The following ATXN1 variants were observed in gnomAD, a reference collection of about 807,000 sequenced individuals.
The protein encoded by ATXN1 is ataxin-1.
Under a neutral mutation model 56.4 loss-of-function variants are expected in ATXN1, and 8 were observed. The ratio of observed to expected loss-of-function variants is 0.14; its 90% confidence interval spans 0.08 to 0.26. ATXN1 has a LOEUF of 0.26. Ranked by LOEUF, ATXN1 falls within the 10% of genes least tolerant of loss-of-function variation. ATXN1 has a pLI of 1.00. For synonymous variants in ATXN1, 514 were observed against 494.6 expected (o/e 1.04, Z -0.52); for missense variants, 987 against 1,106.5 (o/e 0.89, Z 1.53).
At chr6:16,361,455 T>C (rs748967305) in intron 6 of ATXN1, among the ~76,000 whole-genome samples, 9 of 152,196 alleles carry the variant, frequency 5.9e-5, no homozygotes, top group Non-Finnish European at 1.0e-4. Flanking sequence ...AAATATGCCT[T>C]TTATCCCCTT....
chr6:16,537,814 G>A (rs907088798), intron 4 of ATXN1, among the ~76,000 whole-genome samples: 1 of 151,542 alleles, frequency 6.6e-6, no homozygotes, highest in Non-Finnish European at 1.5e-5. Context: ...GCTAAAAAAG[G>A]TGTCTTGGCC....
rs1254582325 is a variant in ATXN1, at chr6:16,710,645, T to A, written c.-615+42588A>T. ...CTCAGTCACCCAGGCCGGAGTGCAG[T>A]GGCATGATCACAGCTCACTGTAGCC... On this transcript the variant is annotated intron_variant, in intron 2 of 7. Transcript: ENST00000436367. Among the ~76,000 whole-genome samples the A allele has an allele frequency of 3.9e-5, 6 of 152,200 alleles. No individual in the cohort carries two copies. The East Asian group carries it at 1.2e-3, about 29-fold the overall frequency.
chr6:16,609,467 A>G (rs769561079), intron 3 of ATXN1, among the ~76,000 whole-genome samples: 1 of 152,222 alleles, frequency 6.6e-6, no homozygotes, highest in Non-Finnish European at 1.5e-5. Context: ...GGCTTCACCC[A>G]TTGCCAAGCA....
rs78075485 is a variant in ATXN1, at chr6:16,496,125, G to A, written c.-298-10016C>T. Among the ~76,000 whole-genome samples, 1,420 of 152,116 alleles carry A rather than the reference G, an allele frequency of 9.3e-3. 20 individuals are homozygous for A. The highest frequency in any genetic ancestry group is 0.032 in the African/African-American group (1,329 of 41,468). ...TAAACTCCTTTTTTAATACTATTCC[G>A]AGTAACTGCCTCCTTGTTTAAATAT... On this transcript the variant is annotated intron_variant, in intron 5 of 7. Transcript: ENST00000436367.
intron 6 of ATXN1, among the ~76,000 whole-genome samples, chr6:16,342,391 T>C (rs751530039): frequency 2.6e-5 from 4 of 151,430 alleles, no homozygotes; most frequent in Non-Finnish European, 4.4e-5. Context: ...TTGGTGGAGA[T>C]GGGGAAACGA....
At chr6:16,619,507 A>G (rs1257944815) in intron 3 of ATXN1, among the ~76,000 whole-genome samples, 1 of 152,200 alleles carries the variant, frequency 6.6e-6, no homozygotes, top group Non-Finnish European at 1.5e-5. Flanking sequence ...TGTTTACAAT[A>G]TACAGACCCC....
At chr6:16,592,352 T>C (rs1762737336) in intron 3 of ATXN1, among the ~76,000 whole-genome samples, 1 of 152,138 alleles carries the variant, frequency 6.6e-6, no homozygotes, top group Non-Finnish European at 1.5e-5. Context: ...GATCGAACCT[T>C]TGAAAAGGTG....
At chr6:16,656,151 G>A (rs966887349) in intron 3 of ATXN1, among the ~76,000 whole-genome samples, 1 of 151,904 alleles carries the variant, frequency 6.6e-6, no homozygotes, top group African/African-American at 2.4e-5. Flanking sequence ...TGACCAAAGG[G>A]CTGGCTGTCA....
chr6:16,724,080 G>C (rs558829754), intron 2 of ATXN1, among the ~76,000 whole-genome samples: 351 of 152,240 alleles, frequency 2.3e-3, no homozygotes, highest in African/African-American at 8.3e-3. Context: ...ACATGCCTCA[G>C]ACTGGAAGTT....
chr6:16,342,870 C>T (rs971947021), intron 6 of ATXN1, among the ~76,000 whole-genome samples: 3 of 152,034 alleles, frequency 2.0e-5, no homozygotes, highest in Admixed American at 2.0e-4. Flanking sequence ...GCTGGGAGGA[C>T]GGGGCAATGG....
chr6:16,332,846 G>C (rs1761022664), intron 6 of ATXN1, among the ~76,000 whole-genome samples: 1 of 152,230 alleles, frequency 6.6e-6, no homozygotes, highest in Middle Eastern at 3.4e-3. Context: ...TCGAAGTGTG[G>C]TCCTCCGACC....
chr6:16,457,961 C>A (rs951624898), intron 6 of ATXN1, among the ~76,000 whole-genome samples: 7 of 152,172 alleles, frequency 4.6e-5, no homozygotes, highest in African/African-American at 1.7e-4. Flanking sequence ...CAAGGTAGAC[C>A]TGGGAAAGTT....
At chr6:16,543,652 A>AGAG (rs1554114384) in intron 4 of ATXN1, among the ~76,000 whole-genome samples, 22 of 143,562 alleles carry the variant, frequency 1.5e-4, no homozygotes, top group African/African-American at 4.2e-4. Flanking sequence ...AAAAAAAAAA[A>AGAG]AGAGAGAGAG....
At chr6:16,578,387 C>T (rs555630717) in intron 4 of ATXN1, among the ~76,000 whole-genome samples, 1 of 152,330 alleles carries the variant, frequency 6.6e-6, no homozygotes, top group South Asian at 2.1e-4. Flanking sequence ...ACTACGACTT[C>T]CACGCTCATA....
At chr6:16,577,523 CAAAA>C (rs61193572) in intron 4 of ATXN1, among the ~76,000 whole-genome samples, 13 of 76,998 alleles carry the variant, frequency 1.7e-4, no homozygotes, top group Non-Finnish European at 2.8e-4. Flanking sequence ...GACTCTGTCT[CAAAA>C]AAAAAAAAAA....
rs189032478 is a variant in ATXN1, at chr6:16,577,567, C to T, written c.-361+8213G>A. On this transcript the variant is annotated intron_variant, in intron 4 of 7. Coordinates refer to ENST00000436367, the MANE Select transcript of ATXN1 (RefSeq NM_001128164.2). The stretch of plus-strand genomic sequence containing the variant: ...GGAAAAAAAATCATGTGGTTTACCG[C>T]TTAACAGAGAGTGGACAATTCTGTT... Among the ~76,000 whole-genome samples the T allele has an allele frequency of 2.5e-3, 373 of 150,948 alleles. 1 individual carries two copies. The highest frequency in any genetic ancestry group is 8.6e-3 in the African/African-American group (354 of 41,184).
intron 3 of ATXN1, among the ~76,000 whole-genome samples, chr6:16,595,531 T>A (rs1475962143): frequency 2.0e-5 from 3 of 152,228 alleles, no homozygotes; most frequent in Non-Finnish European, 2.9e-5. Flanking sequence ...CTGAAGTTAA[T>A]CTGGAGGGGA....
chr6:16,633,818 G>A (rs370867319), intron 3 of ATXN1, among the ~76,000 whole-genome samples: 8 of 152,144 alleles, frequency 5.3e-5, no homozygotes, highest in Non-Finnish European at 8.8e-5. Flanking sequence ...CATGTCATTC[G>A]GTAAAGACAG....
chr6:16,387,777 G>T (rs1204192592), intron 6 of ATXN1, among the ~76,000 whole-genome samples: 1 of 152,086 alleles, frequency 6.6e-6, no homozygotes, highest in Non-Finnish European at 1.5e-5. Context: ...ATCGAATCAG[G>T]CTATCAGATA....
Sources: allele counts gnomAD v4.1 joint callset (sites outside exome capture counted in the v4.1 genomes callset), GRCh38; gene constraint gnomAD v4.1.1; transcripts MANE v1.5; gene names NCBI Gene and HGNC (gene_info 2026-07-23, HGNC 2026-07-21).